The following NBPF3 variants were observed in gnomAD, a reference collection of about 807,000 sequenced individuals.
NBPF3 encodes NBPF member 3.
NBPF3 carries 57 observed loss-of-function variants against 78.1 expected under a neutral mutation model. That is an observed-to-expected ratio of 0.73 (90% confidence interval 0.59 to 0.91). NBPF3 has a LOEUF of 0.91. NBPF3 is among the 40% of genes least tolerant of loss of function. The pLI, the probability that NBPF3 is intolerant of heterozygous loss-of-function variation, is 0.00. For missense variants in NBPF3, 510 were observed against 715.3 expected (o/e 0.71, Z 3.27); for synonymous variants, 182 against 271.7 (o/e 0.67, Z 3.25).
intron 2 of NBPF3, among the ~76,000 whole-genome samples, chr1:21,467,608 C>T (rs1642348381): frequency 6.6e-6 from 1 of 152,148 alleles, no homozygotes; most frequent in South Asian, 2.1e-4. Flanking sequence ...ATAAGAACCG[C>T]CGCTCATGGC....
At chr1:21,441,358 G>A (rs1347336110) in intron 1 of NBPF3, among the ~76,000 whole-genome samples, 1 of 151,962 alleles carries the variant, frequency 6.6e-6, no homozygotes, top group Admixed American at 6.5e-5. Flanking sequence ...ATAACTTTGC[G>A]TCAAAGAAAT....
upstream of NBPF3, chr1:21,437,345 GA>G: frequency 2.1e-6 from 1 of 482,010 alleles, no homozygotes; most frequent in Non-Finnish European, 3.6e-6. Flanking sequence ...AGTTGTCCGG[GA>G]CCCCAGGGAG....
intron 2 of NBPF3, chr1:21,468,156 A>T (rs1230124168): frequency 6.1e-6 from 1 of 163,048 alleles, no homozygotes; most frequent in Non-Finnish European, 1.3e-5. Context: ...ACCGTTAAGA[A>T]AATATAACCT....
intron 1 of NBPF3, among the ~76,000 whole-genome samples, chr1:21,443,504 G>A (rs10916992): frequency 0.94 from 143,038 of 152,316 alleles, 67,834 homozygotes; most frequent in East Asian, 1. Context: ...CTTAATTAGC[G>A]AGAAAACTTT....
rs773022578 is a variant in NBPF3 at position 21,468,845 on chromosome 1, ATGTCT to A, written c.295_299del (p.Leu99AsnfsTer13). The A allele has an allele frequency of 6.2e-7, 1 of 1,614,088 alleles. No homozygotes were observed. Among genetic ancestry groups the A allele is most frequent in the African/African-American group, 1.3e-5 (1 of 74,932 alleles). On this transcript the variant is annotated frameshift_variant, in exon 3 of 15. Transcript: ENST00000318249. LOFTEE classifies it high-confidence loss of function. ...AGCAGTTCAGAAACCTCAAACAGAA[ATGTCT>A]TGTAACTCAAGTGGCCTACTTCCTG... is the stretch of plus-strand genomic sequence containing the variant.
At chr1:21,441,514 C>T (rs1640645335) in intron 1 of NBPF3, among the ~76,000 whole-genome samples, 1 of 151,976 alleles carries the variant, frequency 6.6e-6, no homozygotes, top group Non-Finnish European at 1.5e-5. Flanking sequence ...CCACACTAGC[C>T]TCGGCAATGT....
chr1:21,473,439 T>C lies in NBPF3; in HGVS notation c.794T>C (p.Ile265Thr), dbSNP rs1642715507. Residue 265 changes from isoleucine to threonine, a missense_variant, in exon 7 of 15, where the codon ATC (isoleucine) becomes ACC (threonine). Physicochemically the swap from Ile to Thr is moderately conservative, Grantham distance 89 (BLOSUM62 -1). Coordinates refer to ENST00000318249, the MANE Select transcript of NBPF3 (RefSeq NM_032264.6). ...VPEDSLEECAITCSNSHHPCE... is the reference protein window; with the variant it reads ...VPEDSLEECATTCSNSHHPCE... Reference sequence around the variant, plus strand: ...GAGGACTCACTGGAGGAGTGTGCCATCACTTGTTCAAATAGCCACCACCCT... The same window carrying C: ...GAGGACTCACTGGAGGAGTGTGCCACCACTTGTTCAAATAGCCACCACCCT... The C allele has an allele frequency of 6.8e-6, 11 of 1,614,170 alleles. No individual in the cohort carries two copies. Among genetic ancestry groups the C allele is most frequent in the Non-Finnish European group, 9.3e-6 (11 of 1,180,034 alleles).
intron 2 of NBPF3, among the ~76,000 whole-genome samples, chr1:21,450,988 A>G (rs953011035): frequency 9.9e-5 from 15 of 152,258 alleles, no homozygotes; most frequent in African/African-American, 3.1e-4. Context: ...AAGTTTCTTA[A>G]TTAGGATCGA....
chr1:21,477,111 T>C (rs752026622), intron 8 of NBPF3, among the ~76,000 whole-genome samples: 4 of 152,210 alleles, frequency 2.6e-5, no homozygotes, highest in Non-Finnish European at 5.9e-5. Flanking sequence ...TCTCGTGCCA[T>C]GGTTTTCAGC....
In NBPF3 at chr1:21,476,237, CTGTGT is replaced by C; in HGVS notation, c.992+1287_992+1291del. Reference sequence around the variant, plus strand: ...TTGACTCCTTATCCAATTTGCCAGTCTGTGTCTTTTAATTGGGGCATTTAGCCTAT... The same window carrying C: ...TTGACTCCTTATCCAATTTGCCAGTCCTTTTAATTGGGGCATTTAGCCTAT... On this transcript the variant is annotated intron_variant, in intron 8 of 14. Coordinates refer to ENST00000318249, the MANE Select transcript of NBPF3 (RefSeq NM_032264.6). This position sits in a 1 kb window ranked among gnomAD's most constrained non-coding sequence, Gnocchi z 4.1. 6.6e-6 allele frequency among the ~76,000 whole-genome samples: 1 copy of C among 152,164 alleles called. No individual in the cohort carries two copies. Among genetic ancestry groups the C allele is most frequent in the South Asian group, 2.1e-4 (1 of 4,832 alleles).
At chr1:21,457,378 G>T (rs938969139) in intron 2 of NBPF3, among the ~76,000 whole-genome samples, 71 of 135,626 alleles carry the variant, frequency 5.2e-4, no homozygotes, top group African/African-American at 1.8e-3. Flanking sequence ...GTATATATAT[G>T]TATGTATATA....
At chr1:21,473,151 A>G (rs1402657271) in intron 6 of NBPF3, among the ~76,000 whole-genome samples, 2 of 152,262 alleles carry the variant, frequency 1.3e-5, no homozygotes, top group East Asian at 3.9e-4. Context: ...CTCGGCTCCT[A>G]TCTGTCCAGT....
intron 1 of NBPF3, among the ~76,000 whole-genome samples, chr1:21,444,642 C>T (rs143741797): frequency 5.1e-4 from 77 of 152,264 alleles, no homozygotes; most frequent in African/African-American, 1.8e-3. Flanking sequence ...TCAAGGAATC[C>T]TCCTGCCTCA....
At position 21,473,494 on chromosome 1, in the gene NBPF3, C is replaced by A. The variant is rs1467396734; in HGVS notation, c.849C>A (p.Thr283=). Residue 283 remains threonine (T), a synonymous_variant, in exon 7 of 15, where the codon ACC becomes ACA. Transcript: ENST00000318249. ...AGTCCAACCAGCCTTACGGGAACAC[C>A]AGAATCACATTTGAGGAAGACCAAG... ...PCESNQPYGN[T]RITFEEDQVD... 2 of 1,614,172 alleles carry A rather than the reference C, an allele frequency of 1.2e-6. No homozygotes were observed. Among genetic ancestry groups the A allele is most frequent in the Non-Finnish European group, 8.5e-7 (1 of 1,180,030 alleles).
At position 21,445,220 on chromosome 1, in the gene NBPF3, G is replaced by C. The variant is rs771555848; in HGVS notation, c.133+1G>C. 3 of 1,611,234 alleles carry C rather than the reference G, an allele frequency of 1.9e-6. No individual in the cohort carries two copies. The highest frequency in any genetic ancestry group is 2.5e-6 in the Non-Finnish European group (3 of 1,179,266). ...CATCAAGAGCTGCGAGATCCAACAG[G>C]TAAAAATCCCGAGGCATTGCCAGCT... On this transcript the variant is annotated splice_donor_variant, in intron 2 of 14. Coordinates refer to ENST00000318249, the MANE Select transcript of NBPF3 (RefSeq NM_032264.6). LOFTEE classifies it high-confidence loss of function.
intron 10 of NBPF3, 107 bp from the exon 11 acceptor site, chr1:21,479,944 G>A: frequency 1.3e-6 from 1 of 760,488 alleles, no homozygotes; most frequent in Non-Finnish European, 2.4e-6. Context: ...TAATAGATCT[G>A]TCCTTTTTCT....
rs760910951 is a variant in NBPF3 at position 21,468,868 on chromosome 1, A to G, written c.314A>G (p.Tyr105Cys). 1 of 1,614,142 alleles carries G rather than the reference A, an allele frequency of 6.2e-7. No homozygotes were observed. Among genetic ancestry groups the G allele is most frequent in the Non-Finnish European group, 8.5e-7 (1 of 1,179,992 alleles). Residue 105 changes from tyrosine (Y) to cysteine (C), a missense_variant, in exon 3 of 15, where the codon TAC becomes TGC. Around this residue, in one of 5 missense-constraint regions of NBPF3, gnomAD observed 440 missense variants for 478.2 expected, o/e 0.92. Transcript: ENST00000318249. The part of the protein sequence containing the change: ...KQKCLVTQVA[Y>C]FLANRQNNYD... ...AAATGTCTTGTAACTCAAGTGGCCT[A>G]CTTCCTGGCCAACCGGCAAAATAAT...
intron 3 of NBPF3, among the ~76,000 whole-genome samples, chr1:21,470,338 C>T (rs1642515672): frequency 6.6e-6 from 1 of 152,184 alleles, no homozygotes; most frequent in African/African-American, 2.4e-5. Context: ...GGAAAGTGGC[C>T]CCGCATTCAG....
At position 21,471,497 on chromosome 1, in the gene NBPF3, T is replaced by G. The variant is rs1320265009; in HGVS notation, c.447-72T>G. On this transcript the variant is annotated intron_variant, in intron 4 of 14. Coordinates refer to ENST00000318249, the MANE Select transcript of NBPF3 (RefSeq NM_032264.6). Reference sequence around the variant, plus strand: ...CCTTGAGGACATTGTCTCAGAAATCTGTGTTGCAAAATATTAGAACTGATC... The same window carrying G: ...CCTTGAGGACATTGTCTCAGAAATCGGTGTTGCAAAATATTAGAACTGATC... 37 of 1,607,212 alleles carry G rather than the reference T, an allele frequency of 2.3e-5. No individual in the cohort carries two copies. The South Asian group carries it at 4.1e-4, about 18-fold the overall frequency.
Sources: gnomAD v4.1 joint callset for allele counts (sites outside exome capture counted in the v4.1 genomes callset) on GRCh38, gnomAD v4.1.1 for gene constraint, gnomAD v4.1.1 regional missense constraint, Gnocchi (gnomAD v3.1) non-coding constraint, MANE v1.5 for transcripts, NCBI Gene and HGNC (gene_info 2026-07-23, HGNC 2026-07-21) for gene names.